HMGCLL1: variants seen among roughly 807,000 people sequenced by gnomAD.
The protein encoded by HMGCLL1 is 3-hydroxymethyl-3-methylglutaryl-CoA lyase, cytoplasmic.
In HMGCLL1, 36 loss-of-function variants were observed where a neutral mutation model predicts 39.1. The observed-to-expected ratio is 0.92, with a 90% CI of 0.71 to 1.22. The LOEUF is 1.22. HMGCLL1 is among the 50% of genes most tolerant of loss of function. HMGCLL1 has a pLI of 0.00. For missense variants in HMGCLL1, 451 were observed against 416.5 expected (o/e 1.08, Z -0.72); for synonymous variants, 149 against 144.0 (o/e 1.03, Z -0.25).
At chr6:55,671,732 T>C in the HMGCLL1 span, among the ~76,000 whole-genome samples, 6 of 151,848 alleles carry the variant, frequency 4.0e-5, no homozygotes, top group South Asian at 4.1e-4. Context: ...ATTCAACTTT[T>C]ATTGTATAAG....
At chr6:55,622,060 A>C in the HMGCLL1 span, among the ~76,000 whole-genome samples, 1 of 151,806 alleles carries the variant, frequency 6.6e-6, no homozygotes, top group African/African-American at 2.4e-5. Context: ...TACCTTCTTG[A>C]TTTCTTTTTC....
upstream of HMGCLL1, among the ~76,000 whole-genome samples, chr6:55,584,122 A>T (rs960946984): frequency 1.3e-5 from 2 of 152,108 alleles, no homozygotes; most frequent in Non-Finnish European, 2.9e-5. Flanking sequence ...GCCTCTTGGC[A>T]ATATTTAGCT....
At position 55,499,224 on chromosome 6, in the gene HMGCLL1, G is replaced by T. The variant is rs779706280; in HGVS notation, c.606+12C>A. 2.5e-6 allele frequency: 4 copies of T among 1,601,562 alleles called. No individual in the cohort carries two copies. In the African/African-American group the frequency reaches 4.0e-5, roughly 16 times the overall value. On this transcript the variant is annotated intron_variant, in intron 6 of 8. Transcript: ENST00000274901. ...GTTACCATAAACCAAAAAAGCTGAA[G>T]ATGTAGCTTACTTCTGTCACTTTTT...
At chr6:55,648,724 A>G in the HMGCLL1 span, among the ~76,000 whole-genome samples, 3 of 71,742 alleles carry the variant, frequency 4.2e-5, 1 homozygote, top group African/African-American at 1.7e-4. Flanking sequence ...GCAATAATCA[A>G]TAGTTTACCA....
chr6:55,514,644 T>A (rs6907772), intron 4 of HMGCLL1, among the ~76,000 whole-genome samples: 53,041 of 151,888 alleles, frequency 0.35, 9,400 homozygotes, highest in Non-Finnish European at 0.37. Flanking sequence ...ATTTTTCCAA[T>A]TCATCATTTA....
At chr6:55,631,714 T>C in the HMGCLL1 span, among the ~76,000 whole-genome samples, 1 of 152,168 alleles carries the variant, frequency 6.6e-6, no homozygotes, top group South Asian at 2.1e-4. Flanking sequence ...TCTGTACCGT[T>C]ACTGGGCACC....
At chr6:55,446,058 C>T (rs1399517733) in intron 7 of HMGCLL1, among the ~76,000 whole-genome samples, 2 of 151,810 alleles carry the variant, frequency 1.3e-5, no homozygotes, top group East Asian at 3.9e-4. Flanking sequence ...ATTAAGCACA[C>T]TCTTTGTGCC....
chr6:55,543,188 A>AATATATTATATATT (rs1554155949), intron 1 of HMGCLL1, among the ~76,000 whole-genome samples: 1,357 of 7,326 alleles, frequency 0.19, 435 homozygotes, highest in East Asian at 0.54. Flanking sequence ...TATAATATAT[A>AATATATTATATATT]ATATATTATA....
chr6:55,470,054 G>A (rs913823841), intron 7 of HMGCLL1, among the ~76,000 whole-genome samples: 2 of 151,824 alleles, frequency 1.3e-5, no homozygotes, highest in Non-Finnish European at 2.9e-5. Flanking sequence ...TCATGACCCT[G>A]GGGTTGTTTT....
the HMGCLL1 span, among the ~76,000 whole-genome samples, chr6:55,616,967 T>C: frequency 6.6e-6 from 1 of 152,068 alleles, no homozygotes; most frequent in Non-Finnish European, 1.5e-5. Context: ...GTTTGGAAGA[T>C]ACAATTCAAA....
At position 55,579,119 on chromosome 6, in the gene HMGCLL1, C is replaced by T. The variant is rs181663288; in HGVS notation, c.-64G>A. ...CTGGAGGAGGATGAGGGGCGGGCAC[C>T]GCGCTGGGAAACTGCGCCAGCTCGG... On this transcript the variant is annotated 5_prime_UTR_variant, in exon 1 of 9. Coordinates refer to ENST00000274901, the MANE Select transcript of HMGCLL1 (RefSeq NM_001042406.2). 45 of 1,289,712 alleles carry T rather than the reference C, an allele frequency of 3.5e-5. No homozygotes were observed. In the East Asian group the frequency reaches 1.1e-3, roughly 30 times the overall value. 79.9% of individuals were successfully genotyped at this position (1,289,712 alleles called of 1,614,324 possible). A position where few individuals can be genotyped will look rare whatever the true frequency, so the allele number is the denominator to read the frequency against.
At chr6:55,524,023 TGTA>T (rs769619307) in intron 3 of HMGCLL1, among the ~76,000 whole-genome samples, 56 of 152,110 alleles carry the variant, frequency 3.7e-4, no homozygotes, top group Middle Eastern at 3.4e-3. Context: ...TGTGCAAAAC[TGTA>T]GTAGTTCTTC....
chr6:55,658,732 T>C, the HMGCLL1 span, among the ~76,000 whole-genome samples: 125 of 152,094 alleles, frequency 8.2e-4, 1 homozygote, highest in Admixed American at 8.1e-3. Context: ...GTTCTGATAA[T>C]AAATGATAAG....
chr6:55,503,038 T>C (rs1233769120), intron 5 of HMGCLL1, among the ~76,000 whole-genome samples: 1 of 151,798 alleles, frequency 6.6e-6, no homozygotes, highest in Non-Finnish European at 1.5e-5. Context: ...TCTCATGTGC[T>C]TTATAGTTTT....
the HMGCLL1 span, among the ~76,000 whole-genome samples, chr6:55,643,520 C>A: frequency 6.6e-6 from 1 of 151,724 alleles, no homozygotes; most frequent in African/African-American, 2.4e-5. Flanking sequence ...TGATTATAGT[C>A]CCCTTGTTGT....
upstream of HMGCLL1, among the ~76,000 whole-genome samples, chr6:55,581,449 T>A (rs747459053): frequency 3.4e-4 from 52 of 151,856 alleles, no homozygotes; most frequent in Non-Finnish European, 6.3e-4. Context: ...TAAACAGGAG[T>A]TAAAATAGAT....
the HMGCLL1 span, among the ~76,000 whole-genome samples, chr6:55,612,188 T>C: frequency 3.2e-4 from 49 of 152,092 alleles, no homozygotes; most frequent in African/African-American, 1.1e-3. Flanking sequence ...ATGAATGAAC[T>C]CCCATTCATA....
chr6:55,659,701 T>C, the HMGCLL1 span, among the ~76,000 whole-genome samples: 1 of 151,892 alleles, frequency 6.6e-6, no homozygotes, highest in African/African-American at 2.4e-5. Context: ...TATTTCTATC[T>C]ATCCTGAAGT....
the HMGCLL1 span, among the ~76,000 whole-genome samples, chr6:55,663,040 T>C: frequency 6.6e-6 from 1 of 151,684 alleles, no homozygotes; most frequent in Non-Finnish European, 1.5e-5. Context: ...AAACTCTTTG[T>C]TGTTTCTTAT....
Sources: gnomAD v4.1 joint callset for allele counts (sites outside exome capture counted in the v4.1 genomes callset) on GRCh38, gnomAD v4.1.1 for gene constraint, MANE v1.5 for transcripts, NCBI Gene and HGNC (gene_info 2026-07-23, HGNC 2026-07-21) for gene names.